The following IDH3A variants were observed in gnomAD, a reference collection of about 807,000 sequenced individuals.
IDH3A encodes the protein isocitrate dehydrogenase [NAD] subunit alpha, mitochondrial.
Under a neutral mutation model 43.3 loss-of-function variants are expected in IDH3A, and 23 were observed. That is an observed-to-expected ratio of 0.53 (90% CI 0.38 to 0.75). IDH3A has a LOEUF of 0.75. IDH3A is among the 30% of genes least tolerant of loss of function. IDH3A has a pLI of 0.00. For missense variants in IDH3A, 329 were observed against 474.4 expected (o/e 0.69, Z 2.85); for synonymous variants, 154 against 163.5 (o/e 0.94, Z 0.44).
chr15:78,158,465 T>TATA (rs1179618862), intron 3 of IDH3A, among the ~76,000 whole-genome samples: 4 of 27,040 alleles, frequency 1.5e-4, no homozygotes, highest in Admixed American at 6.8e-4. Flanking sequence ...ATATATATAT[T>TATA]TTTTTTTTTT....
chr15:78,153,135 T>C (rs2074593470), intron 1 of IDH3A, among the ~76,000 whole-genome samples: 1 of 152,104 alleles, frequency 6.6e-6, no homozygotes, highest in Non-Finnish European at 1.5e-5. Flanking sequence ...TTTTGTCCAT[T>C]ACCTAGGCTG....
Position 78,162,453 on chromosome 15 carries a change from T to C in IDH3A, c.611+86T>C, listed in dbSNP as rs7180687. ...GCTTCCCTTTCTCCTCTTCAGCTTG[T>C]TCCTTGATTCCTAATATCTTTGAAA... On this transcript the variant is annotated intron_variant, in intron 6 of 10. Transcript: ENST00000299518. The C allele has an allele frequency of 0.83, 1,209,019 of 1,449,258 alleles. 505,139 individuals are homozygous for C. Among genetic ancestry groups the C allele is most frequent in the African/African-American group, 0.91 (65,217 of 71,276 alleles). The allele number at this position is 1,449,258 out of a possible 1,614,324, so 89.8% of individuals were successfully genotyped here.
Position 78,171,422 on chromosome 15 carries a change from A to C in IDH3A, c.*2417A>C, listed in dbSNP as rs1242001672. ...GGAACGCCTGCCCTCTATTCTATAG[A>C]AACTGCAGGCATAGGCCCTGATTAC... On this transcript the variant is annotated 3_prime_UTR_variant, in exon 11 of 11. Coordinates refer to ENST00000299518, the MANE Select transcript of IDH3A (RefSeq NM_005530.3). The C allele has an allele frequency of 1.9e-6, 3 of 1,606,822 alleles. No individual in the cohort carries two copies. The highest frequency in any genetic ancestry group is 1.7e-6 in the Non-Finnish European group (2 of 1,173,544).
rs1395137397 is a variant in IDH3A, at chr15:78,170,816, C to G, written c.*1811C>G. The G allele has an allele frequency of 1.3e-5, 2 of 152,884 alleles. No homozygotes were observed. The highest frequency in any genetic ancestry group is 4.8e-5 in the African/African-American group (2 of 41,440). The allele number at this position is 152,884 out of a possible 1,614,324, so 9.5% of individuals were successfully genotyped here. ...CTACTCTCTGCACTGGTCCCACCTG[C>G]TCAATTGACAAAAAAAATCAGGTCC... On this transcript the variant is annotated 3_prime_UTR_variant, in exon 11 of 11. Coordinates refer to ENST00000299518, the MANE Select transcript of IDH3A (RefSeq NM_005530.3).
At chr15:78,162,631 C>T (rs1021685749) in intron 6 of IDH3A, among the ~76,000 whole-genome samples, 3 of 151,210 alleles carry the variant, frequency 2.0e-5, no homozygotes, top group Non-Finnish European at 4.4e-5. Context: ...CTGCAACCTC[C>T]GCCTCCCGGG....
chr15:78,168,883 G>A (rs767640918), intron 10 of IDH3A, 39 bp from the exon 11 acceptor site: 1 of 1,343,868 alleles, frequency 7.4e-7, no homozygotes, highest in Non-Finnish European at 1.1e-6. Flanking sequence ...AGTTTAGTTT[G>A]CGGATACATC....
intron 6 of IDH3A, among the ~76,000 whole-genome samples, 180 bp downstream of exon 6, chr15:78,162,547 T>G (rs1287052874): frequency 2.0e-5 from 1 of 49,826 alleles, no homozygotes; most frequent in East Asian, 2.6e-4. Flanking sequence ...TCTCCTCTGT[T>G]TTTTTTTTTT....
rs2074786494 is a variant in IDH3A at position 78,168,990 on chromosome 15, A to G, written c.1086A>G (p.Val362=). The change falls in exon 11 of 11, where the codon GTA becomes GTG. Residue 362 remains valine (V), a synonymous_variant. Transcript: ENST00000299518. ...SDFTEEICRR[V]KDLD ...TCACAGAGGAAATCTGTCGCCGAGT[A>G]AAAGATTTAGATTAACACTTCTACA... is the stretch of plus-strand genomic sequence containing the variant. 6.3e-7 allele frequency: 1 copy of G among 1,598,004 alleles called. No homozygotes were observed. Among genetic ancestry groups the G allele is most frequent in the Non-Finnish European group, 8.6e-7 (1 of 1,166,582 alleles).
chr15:78,165,525 A>G (rs1282814441), intron 9 of IDH3A, among the ~76,000 whole-genome samples: 2 of 151,494 alleles, frequency 1.3e-5, no homozygotes, highest in African/African-American at 4.9e-5. Flanking sequence ...ATATATAAAC[A>G]TATATATATG....
intron 10 of IDH3A, 91 bp from the exon 11 acceptor site, chr15:78,168,831 C>T (rs2074783938): frequency 2.6e-6 from 2 of 757,500 alleles, no homozygotes; most frequent in South Asian, 3.2e-5. Context: ...AGTAACTTGC[C>T]CAGGTGGCAT....
intron 10 of IDH3A, 104 bp downstream of exon 10, chr15:78,166,406 C>A: frequency 1.7e-6 from 2 of 1,181,858 alleles, no homozygotes; most frequent in Non-Finnish European, 2.5e-6. Flanking sequence ...CAGGCGGGCC[C>A]AAGCATTTGA....
intron 2 of IDH3A, 128 bp downstream of exon 2, chr15:78,155,403 T>A: frequency 1.6e-6 from 1 of 608,136 alleles, no homozygotes; most frequent in East Asian, 2.9e-5. Context: ...ATATTTATAA[T>A]GTATGTTGAA....
chr15:78,159,731 C>T (rs902313055), intron 3 of IDH3A, among the ~76,000 whole-genome samples: 1 of 152,184 alleles, frequency 6.6e-6, no homozygotes, highest in South Asian at 2.1e-4. Context: ...TAGCTCACGT[C>T]TGTAATCCCA....
intron 10 of IDH3A, 106 bp downstream of exon 10, chr15:78,166,408 A>C: frequency 8.7e-7 from 1 of 1,150,380 alleles, no homozygotes; most frequent in Non-Finnish European, 1.3e-6. Context: ...GGCGGGCCCA[A>C]GCATTTGATG....
chr15:78,156,324 ACTT>A (rs2074622763), intron 2 of IDH3A, among the ~76,000 whole-genome samples: 1 of 152,084 alleles, frequency 6.6e-6, no homozygotes, highest in South Asian at 2.1e-4. Context: ...TTTTTTAAAG[ACTT>A]CTTCAACCCG....
intron 6 of IDH3A, among the ~76,000 whole-genome samples, chr15:78,162,706 C>G (rs558895134): frequency 6.6e-6 from 1 of 152,000 alleles, no homozygotes; most frequent in Admixed American, 6.6e-5. Context: ...CCACCATGAC[C>G]GGCTAATTTT....
intron 2 of IDH3A, chr15:78,157,085 T>C (rs1238288961): frequency 8.6e-7 from 1 of 1,161,542 alleles, no homozygotes. Flanking sequence ...ACTGAAGAAG[T>C]TGCATGAGAA....
Position 78,157,614 on chromosome 15 carries a change from AT to A in IDH3A, c.162del (p.Phe54LeufsTer26). The A allele has an allele frequency of 6.2e-7, 1 of 1,611,846 alleles. No individual in the cohort carries two copies. Among genetic ancestry groups the A allele is most frequent in the Non-Finnish European group, 8.5e-7 (1 of 1,178,484 alleles). ...GPEISAAVMKIFDAAKAPIQW... is the reference protein window; with the variant it reads ...GPEISAAVMKXFDAAKAPIQW... ...AGAAATTTCAGCTGCAGTTATGAAG[AT>A]TTTTGATGCTGCCAAAGTAAGTGGG... On this transcript the variant is annotated frameshift_variant, in exon 3 of 11. Transcript: ENST00000299518. LOFTEE classifies it high-confidence loss of function.
At position 78,171,767 on chromosome 15, in the gene IDH3A, G is replaced by A; in HGVS notation, c.*2762G>A. On this transcript the variant is annotated 3_prime_UTR_variant, in exon 11 of 11. Transcript: ENST00000299518. ...TGGAGTATAGATGAAGGGTTGGTAT[G>A]TCACCTCTGAGAATAGGTTATAAAA... 2.5e-6 allele frequency: 1 copy of A among 404,288 alleles called. No individual in the cohort carries two copies. The highest frequency in any genetic ancestry group is 4.5e-6 in the Non-Finnish European group (1 of 222,204). The allele number at this position is 404,288 out of a possible 1,614,324, so 25.0% of individuals were successfully genotyped here.
Sources: gnomAD v4.1 joint callset for allele counts (sites outside exome capture counted in the v4.1 genomes callset) on GRCh38, gnomAD v4.1.1 for gene constraint, MANE v1.5 for transcripts, NCBI Gene and HGNC (gene_info 2026-07-23, HGNC 2026-07-21) for gene names.